Variants in NEBL observed in about 807,000 individuals in gnomAD.
NEBL encodes the protein nebulette.
Under a neutral mutation model 140.2 loss-of-function variants are expected in NEBL, and 122 were observed. That is an observed-to-expected ratio of 0.87 (90% CI 0.75 to 1.01). The LOEUF is 1.01. Among genes scored for constraint, NEBL ranks in the 50% least tolerant of loss-of-function variants. The pLI is 0.00. For synonymous variants in NEBL, 436 were observed against 398.9 expected (o/e 1.09, Z -1.11); for missense variants, 1,365 against 1,231.3 (o/e 1.11, Z -1.62).
intron 2 of NEBL, among the ~76,000 whole-genome samples, chr10:21,087,367 T>TA (rs1042899040): frequency 5.9e-5 from 9 of 152,212 alleles, no homozygotes; most frequent in African/African-American, 2.2e-4. Context: ...AGCTTTTTTT[T>TA]ATTGATGACC....
intron 26 of NEBL, among the ~76,000 whole-genome samples, chr10:20,808,004 A>G (rs547653420): frequency 1.7e-3 from 258 of 151,594 alleles, no homozygotes; most frequent in Non-Finnish European, 2.8e-3. Flanking sequence ...AAACCCTCTC[A>G]TATCCCAAGT....
chr10:20,975,818 A>G (rs1039785559), intron 3 of NEBL, among the ~76,000 whole-genome samples: 3 of 152,004 alleles, frequency 2.0e-5, no homozygotes, highest in Admixed American at 1.3e-4. Flanking sequence ...AAGGAAATCT[A>G]TGTGTCCATA....
chr10:20,951,039 A>G (rs4603205), intron 4 of NEBL, among the ~76,000 whole-genome samples: 118,712 of 152,132 alleles, frequency 0.78, 46,593 homozygotes, highest in Admixed American at 0.84. Context: ...GGAAGCTGAG[A>G]TGGGAGGATG....
chr10:21,039,067 T>G lies in NEBL; in HGVS notation c.165-18866A>C, dbSNP rs1029613018. 6.6e-4 allele frequency among the ~76,000 whole-genome samples: 33 copies of G among 49,976 alleles called. 1 individual carries two copies. The highest frequency in any genetic ancestry group is 6.1e-3 in the East Asian group (5 of 816). 32.8% of individuals were successfully genotyped at this position (49,976 alleles called of 152,430 possible). ...CCACTTTTTGATGGGGCTGTTTTTT[T>G]TTTTTTTTTTTTTTTTTTTGTAAAT... On this transcript the variant is annotated intron_variant, in intron 2 of 6. Transcript: ENST00000417816.
intron 3 of NEBL, among the ~76,000 whole-genome samples, chr10:21,209,110 A>C (rs1219547826): frequency 6.6e-6 from 1 of 152,174 alleles, no homozygotes; most frequent in Non-Finnish European, 1.5e-5. Flanking sequence ...CAGTTGCAAG[A>C]TGGTGCCAGG....
At chr10:20,823,656 A>G (rs899816511) in intron 18 of NEBL, among the ~76,000 whole-genome samples, 8 of 152,218 alleles carry the variant, frequency 5.3e-5, no homozygotes, top group East Asian at 1.9e-4. Flanking sequence ...TTCTATTAAT[A>G]TGGTAATTAA....
At chr10:20,960,943 T>C (rs1299561916) in intron 4 of NEBL, among the ~76,000 whole-genome samples, 1 of 152,180 alleles carries the variant, frequency 6.6e-6, no homozygotes, top group East Asian at 1.9e-4. Context: ...CTCACACATC[T>C]GTTAATTTTC....
intron 1 of NEBL, among the ~76,000 whole-genome samples, chr10:21,275,459 C>T (rs541619059): frequency 4.8e-4 from 73 of 152,234 alleles, no homozygotes; most frequent in African/African-American, 1.6e-3. Flanking sequence ...TCACTGAGCC[C>T]GAGTGGTGCA....
intron 11 of NEBL, among the ~76,000 whole-genome samples, chr10:20,846,886 A>C (rs184753999): frequency 4.6e-5 from 7 of 152,286 alleles, no homozygotes; most frequent in African/African-American, 1.2e-4. Context: ...TTTTGAAGAA[A>C]GCAGTATTTG....
At chr10:21,060,611 C>A (rs556987826) in intron 2 of NEBL, among the ~76,000 whole-genome samples, 2 of 151,792 alleles carry the variant, frequency 1.3e-5, no homozygotes, top group African/African-American at 4.8e-5. Flanking sequence ...TTTTAAAAAT[C>A]CCCTGGAACA....
intron 6 of NEBL, among the ~76,000 whole-genome samples, chr10:20,869,439 T>C (rs1020767099): frequency 6.6e-6 from 1 of 152,124 alleles, no homozygotes; most frequent in African/African-American, 2.4e-5. Context: ...TATGGGACCA[T>C]ATGACTGATA....
intron 3 of NEBL, among the ~76,000 whole-genome samples, chr10:21,183,427 C>T (rs1391348170): frequency 2.0e-5 from 3 of 152,078 alleles, no homozygotes; most frequent in African/African-American, 4.8e-5. Context: ...AGGGACCTCT[C>T]AGCAAACTTA....
At chr10:20,854,268 G>A (rs536179587) in intron 9 of NEBL, among the ~76,000 whole-genome samples, 8 of 152,192 alleles carry the variant, frequency 5.3e-5, no homozygotes, top group East Asian at 3.9e-4. Flanking sequence ...GAAAGGGAGC[G>A]GGAAAGAGCT....
chr10:20,941,047 A>G (rs1313716321), intron 4 of NEBL, among the ~76,000 whole-genome samples: 2 of 152,210 alleles, frequency 1.3e-5, no homozygotes, highest in East Asian at 3.9e-4. Flanking sequence ...AACTATTCCA[A>G]TCAATAGAAA....
chr10:21,135,600 GA>G (rs1328158837), intron 2 of NEBL, among the ~76,000 whole-genome samples: 2 of 152,154 alleles, frequency 1.3e-5, no homozygotes. Context: ...TTCTGCTAAA[GA>G]AAAAAGAAAC....
chr10:21,217,062 G>A (rs1273594880), intron 3 of NEBL, among the ~76,000 whole-genome samples: 1 of 152,114 alleles, frequency 6.6e-6, no homozygotes, highest in Non-Finnish European at 1.5e-5. Context: ...CCTGGGAAGG[G>A]GCTCTGCACT....
intron 2 of NEBL, among the ~76,000 whole-genome samples, chr10:21,100,930 CTTTG>C (rs1322045343): frequency 3.9e-5 from 6 of 152,258 alleles, no homozygotes; most frequent in East Asian, 1.9e-4. Context: ...GTTTTTGTTT[CTTTG>C]TTTGTTTTAA....
Position 20,954,777 on chromosome 10 carries a change from C to A in NEBL, c.357+6895G>T, listed in dbSNP as rs112570699. ...CCAAGGCTCTACCCTAGTGGGCAGG[C>A]TGGTTGGAGTTTTTCCGGGGACCCC... On this transcript the variant is annotated intron_variant, in intron 4 of 6. Coordinates refer to the NEBL transcript ENST00000417816. Among the ~76,000 whole-genome samples, 1,271 of 152,224 alleles carry A rather than the reference C, an allele frequency of 8.3e-3. 17 individuals carry two copies. Among genetic ancestry groups the A allele is most frequent in the African/African-American group, 0.029 (1,220 of 41,542 alleles).
intron 2 of NEBL, among the ~76,000 whole-genome samples, chr10:21,083,696 T>G (rs1589218244): frequency 6.6e-6 from 1 of 152,122 alleles, no homozygotes; most frequent in East Asian, 1.9e-4. Flanking sequence ...AATACAAAAA[T>G]TAGCCAGGCG....
Sources: allele counts gnomAD v4.1 joint callset (sites outside exome capture counted in the v4.1 genomes callset), GRCh38; gene constraint gnomAD v4.1.1; transcripts MANE v1.5; gene names NCBI Gene and HGNC (gene_info 2026-07-23, HGNC 2026-07-21).